Variants in ERBB4 observed in about 807,000 individuals in gnomAD.
ERBB4 encodes receptor tyrosine-protein kinase erbB-4.
In ERBB4, 42 loss-of-function variants were observed where a neutral mutation model predicts 158.0. The observed-to-expected ratio is 0.27, with a 90% CI of 0.21 to 0.34. ERBB4 has a LOEUF of 0.34. ERBB4 is among the 10% of genes least tolerant of loss of function. The probability of loss-of-function intolerance (pLI) is 1.00; values close to 1 mark genes in which losing one functional copy is unlikely to be tolerated. For synonymous variants in ERBB4, 583 were observed against 558.7 expected (o/e 1.04, Z -0.61); for missense variants, 1,333 against 1,624.1 (o/e 0.82, Z 3.08).
intron 2 of ERBB4, among the ~76,000 whole-genome samples, chr2:211,986,360 G>GA (rs1359680809): frequency 1.3e-5 from 2 of 152,080 alleles, no homozygotes; most frequent in Non-Finnish European, 2.9e-5. Context: ...TGTAGAAGAG[G>GA]AAAATGAGAT....
Position 211,430,764 on chromosome 2 carries a change from TATG to T in ERBB4, c.2643+178_2643+180del, listed in dbSNP as rs369120054. Among the ~76,000 whole-genome samples, 553 of 151,524 alleles carry T rather than the reference TATG, an allele frequency of 3.6e-3. 4 individuals are homozygous for T. The highest frequency in any genetic ancestry group is 0.013 in the African/African-American group (535 of 41,350). On this transcript the variant is annotated intron_variant, in intron 21 of 27. Coordinates refer to ENST00000342788, the MANE Select transcript of ERBB4 (RefSeq NM_005235.3). ...TATGGTATATATATATGTGTGTGTA[TATG>T]ATATATATATACACACACATATATA...
chr2:211,396,079 A>G (rs1023962309), intron 25 of ERBB4, among the ~76,000 whole-genome samples: 1 of 152,084 alleles, frequency 6.6e-6, no homozygotes, highest in Non-Finnish European at 1.5e-5. Flanking sequence ...TTGAAATGTA[A>G]TGTCTTTGCC....
At chr2:212,235,875 C>T (rs149269835) in intron 1 of ERBB4, among the ~76,000 whole-genome samples, 439 of 152,228 alleles carry the variant, frequency 2.9e-3, no homozygotes, top group Non-Finnish European at 4.8e-3. Flanking sequence ...TGGGCTGACA[C>T]GAAGGCGTTT....
At chr2:212,525,197 G>C (rs986483205) in intron 1 of ERBB4, among the ~76,000 whole-genome samples, 1 of 151,754 alleles carries the variant, frequency 6.6e-6, no homozygotes, top group African/African-American at 2.4e-5. Context: ...CTAGTAGAAA[G>C]AAAAAAATAA....
At chr2:212,066,145 TC>T (rs2077940706) in intron 2 of ERBB4, among the ~76,000 whole-genome samples, 4 of 151,894 alleles carry the variant, frequency 2.6e-5, no homozygotes, top group Non-Finnish European at 5.9e-5. Context: ...CTCGAAAGAC[TC>T]TTACTCTGGG....
At chr2:211,499,866 C>T (rs2065573149) in intron 20 of ERBB4, among the ~76,000 whole-genome samples, 1 of 152,024 alleles carries the variant, frequency 6.6e-6, no homozygotes, top group Admixed American at 6.5e-5. Flanking sequence ...TTGGCTTCAA[C>T]CTCAATATCT....
At chr2:211,679,687 C>T (rs201483532) in intron 12 of ERBB4, among the ~76,000 whole-genome samples, 2 of 152,136 alleles carry the variant, frequency 1.3e-5, no homozygotes, top group African/African-American at 4.8e-5. Flanking sequence ...CAAGTTTTCT[C>T]GTTTGTTTTT....
At chr2:212,479,176 A>C (rs1483520884) in intron 1 of ERBB4, among the ~76,000 whole-genome samples, 1 of 152,152 alleles carries the variant, frequency 6.6e-6, no homozygotes, top group Non-Finnish European at 1.5e-5. Flanking sequence ...CTTATCATAA[A>C]GGAACTTCTA....
intron 2 of ERBB4, among the ~76,000 whole-genome samples, chr2:211,962,284 C>CAAA (rs2081200179): frequency 6.6e-6 from 1 of 152,182 alleles, no homozygotes; most frequent in East Asian, 1.9e-4. Flanking sequence ...AATCAGAAAC[C>CAAA]AAACAATTTC....
At chr2:212,405,475 C>T (rs2091319688) in intron 1 of ERBB4, among the ~76,000 whole-genome samples, 1 of 152,038 alleles carries the variant, frequency 6.6e-6, no homozygotes. Flanking sequence ...TCAGCAATCC[C>T]ATTACTGGGT....
intron 1 of ERBB4, among the ~76,000 whole-genome samples, chr2:212,179,919 A>T (rs985194359): frequency 6.6e-6 from 1 of 151,696 alleles, no homozygotes; most frequent in African/African-American, 2.4e-5. Flanking sequence ...AGCTAATGGC[A>T]CATGTGTGAG....
At chr2:212,312,960 A>T (rs578226910) in intron 1 of ERBB4, among the ~76,000 whole-genome samples, 2 of 151,026 alleles carry the variant, frequency 1.3e-5, no homozygotes, top group East Asian at 3.9e-4. Flanking sequence ...TTTTAAATTC[A>T]TCCACTAAAG....
At chr2:211,727,462 C>G (rs1038882180) in intron 5 of ERBB4, among the ~76,000 whole-genome samples, 13 of 151,992 alleles carry the variant, frequency 8.6e-5, no homozygotes, top group Admixed American at 4.6e-4. Context: ...CAATATAAGG[C>G]AGTATTCCCT....
intron 19 of ERBB4, among the ~76,000 whole-genome samples, chr2:211,588,756 C>T (rs368733821): frequency 6.6e-6 from 1 of 151,944 alleles, no homozygotes; most frequent in Non-Finnish European, 1.5e-5. Context: ...CCGCACTTAA[C>T]CATTGAGAAA....
chr2:211,966,218 A>G (rs1365452799), intron 2 of ERBB4, among the ~76,000 whole-genome samples: 1 of 152,146 alleles, frequency 6.6e-6, no homozygotes, highest in Non-Finnish European at 1.5e-5. Flanking sequence ...TGTCTTAAAA[A>G]AAGAAAAAAG....
chr2:211,757,707 C>A (rs2075316620), intron 4 of ERBB4, among the ~76,000 whole-genome samples: 1 of 152,202 alleles, frequency 6.6e-6, no homozygotes, highest in Admixed American at 6.5e-5. Flanking sequence ...GACAGGATAT[C>A]AGACAGATAG....
intron 1 of ERBB4, among the ~76,000 whole-genome samples, chr2:212,440,837 C>T (rs772014096): frequency 1.1e-4 from 16 of 152,100 alleles, no homozygotes; most frequent in Non-Finnish European, 1.8e-4. Flanking sequence ...AACCAAGGAA[C>T]GTAATGAAAC....
chr2:212,324,304 G>T (rs2087715892), intron 1 of ERBB4, among the ~76,000 whole-genome samples: 1 of 150,530 alleles, frequency 6.6e-6, no homozygotes, highest in Admixed American at 6.6e-5. Flanking sequence ...TGAAGTCTCA[G>T]TTCAGACATT....
intron 1 of ERBB4, among the ~76,000 whole-genome samples, chr2:212,229,362 G>A (rs1299284448): frequency 6.6e-6 from 1 of 152,166 alleles, no homozygotes; most frequent in Non-Finnish European, 1.5e-5. Flanking sequence ...AGAAATGGTT[G>A]GGGATATTTG....
Sources: allele counts gnomAD v4.1 joint callset (sites outside exome capture counted in the v4.1 genomes callset), GRCh38; gene constraint gnomAD v4.1.1; transcripts MANE v1.5; gene names NCBI Gene and HGNC (gene_info 2026-07-23, HGNC 2026-07-21).